The following MUC5AC variants were observed in gnomAD, a reference collection of about 807,000 sequenced individuals.
MUC5AC encodes the protein mucin 5AC, oligomeric mucus/gel-forming, also known as mucin-5AC.
A neutral mutation model predicts 169.7 loss-of-function variants in MUC5AC; 158 were observed. The ratio of observed to expected loss-of-function variants is 0.93; its 90% CI spans 0.82 to 1.06. MUC5AC has a LOEUF of 1.06. Ranked by LOEUF, MUC5AC falls within the 50% of genes least tolerant of loss-of-function variation. The pLI is 0.00. For synonymous variants in MUC5AC, 1,975 were observed against 1,237.0 expected, an observed-to-expected ratio of 1.60 and a Z score of -12.52; for missense variants, 4,359 against 3,089.9, an observed-to-expected ratio of 1.41 and a Z score of -9.74.
rs562822413 is a variant in MUC5AC at position 1,164,392 on chromosome 11, C to T, written c.1004-15C>T. 3 of 1,612,144 alleles carry T rather than the reference C, an allele frequency of 1.9e-6. No individual in the cohort carries two copies. The highest frequency in any genetic ancestry group is 1.7e-5 in the Admixed American group (1 of 59,960). On this transcript the variant is annotated splice_polypyrimidine_tract_variant and intron_variant, in intron 8 of 48. Coordinates refer to ENST00000621226, the MANE Select transcript of MUC5AC (RefSeq NM_001304359.2). ...AGGGGCAGGCAGACGTGAGCCCTCTCTCTGCCTCCCGCAGCCCAGAAGTGC... is the reference window on the plus strand; with the variant it reads ...AGGGGCAGGCAGACGTGAGCCCTCTTTCTGCCTCCCGCAGCCCAGAAGTGC...
Position 1,176,259 on chromosome 11 carries a change from C to T in MUC5AC, c.2502+8C>T. 2.5e-6 allele frequency: 1 copy of T among 398,708 alleles called. No individual in the cohort carries two copies. Among genetic ancestry groups the T allele is most frequent in the Non-Finnish European group, 4.4e-6 (1 of 226,108 alleles). The allele number at this position is 398,708 out of a possible 1,614,324, so 24.7% of individuals were successfully genotyped here. ...ACACTGGACATGACCTGTGTAAGTC[C>T]CTGAGGACTCCCCAATGACAGACCC... is the stretch of plus-strand genomic sequence containing the variant. On this transcript the variant is annotated splice_region_variant and intron_variant, in intron 20 of 48. Coordinates refer to ENST00000621226, the MANE Select transcript of MUC5AC (RefSeq NM_001304359.2).
chr11:1,161,479 G>C, intron 2 of MUC5AC, 48 bp from the exon 3 acceptor site: 1 of 1,476,474 alleles, frequency 6.8e-7, no homozygotes, highest in Non-Finnish European at 9.1e-7. Context: ...CGGAGCCCCC[G>C]CCCCACGTGG....
At chr11:1,180,570 C>G (rs1860793617) in intron 28 of MUC5AC, 54 bp downstream of exon 28, 1 of 398,898 alleles carries the variant, frequency 2.5e-6, no homozygotes, top group Non-Finnish European at 4.4e-6. Flanking sequence ...GGGAATTTGA[C>G]CACGGCCTGG....
Position 1,190,769 on chromosome 11 carries a change from C to G in MUC5AC, c.12624C>G (p.Ser4208Arg). 1 of 706,984 alleles carries G rather than the reference C, an allele frequency of 1.4e-6. No individual in the cohort carries two copies. The highest frequency in any genetic ancestry group is 2.6e-6 in the Non-Finnish European group (1 of 387,512). The allele number at this position is 706,984 out of a possible 1,614,324, so 43.8% of individuals were successfully genotyped here. Residue 4208 changes from serine to arginine, a missense_variant, in exon 31 of 49, where the codon AGC becomes AGG. Physicochemically the swap from Ser to Arg is moderately radical, Grantham distance 110. Transcript: ENST00000621226. ...TSSTTSTPQT[S>R]KTSAATSSTT... Reference sequence around the variant, plus strand: ...GCACAACCTCCACTCCACAGACCAGCAAAACCTCAGCTGCTACAAGCAGCA... The same window carrying G: ...GCACAACCTCCACTCCACAGACCAGGAAAACCTCAGCTGCTACAAGCAGCA...
At chr11:1,169,691 T>C (rs1173043672) in intron 15 of MUC5AC, among the ~76,000 whole-genome samples, 89 of 77,168 alleles carry the variant, frequency 1.2e-3, no homozygotes, top group African/African-American at 1.6e-3. Flanking sequence ...CATTCACCCA[T>C]TCACCCACTC....
chr11:1,187,640 C>A lies in MUC5AC; in HGVS notation c.9495C>A (p.Ile3165=). Residue 3165 remains isoleucine (I), a synonymous_variant, in exon 31 of 49, where the codon ATC becomes ATA. Coordinates refer to ENST00000621226, the MANE Select transcript of MUC5AC (RefSeq NM_001304359.2). ...GCCCTGTTCCCACCACCAGCACAAT[C>A]TTTGCTCCTAGAACCAGCACCACTT... The part of the protein sequence containing the change: ...TPSPVPTTST[I]FAPRTSTTSA... The A allele has an allele frequency of 1.3e-6, 1 of 764,644 alleles. No individual in the cohort carries two copies. Among genetic ancestry groups the A allele is most frequent in the Non-Finnish European group, 2.4e-6 (1 of 417,588 alleles). 47.4% of individuals were successfully genotyped at this position (764,644 alleles called of 1,614,324 possible).
At position 1,197,527 on chromosome 11, in the gene MUC5AC, G is replaced by A. The variant is rs1244270470; in HGVS notation, c.15921G>A (p.Thr5307=). The A allele has an allele frequency of 2.8e-6, 2 of 716,074 alleles. No individual in the cohort carries two copies. Among genetic ancestry groups the A allele is most frequent in the Non-Finnish European group, 5.1e-6 (2 of 394,302 alleles). 44.4% of individuals were successfully genotyped at this position (716,074 alleles called of 1,614,324 possible). The part of the protein sequence containing the change: ...QECTCEAATW[T]LTCRPKLCPL... ...GCACGTGTGAGGCGGCCACGTGGAC[G>A]CTGACCTGCCGACCCAAGCTCTGCC... Residue 5307 remains threonine, a synonymous_variant, in exon 41 of 49, where the codon ACG becomes ACA. Coordinates refer to ENST00000621226, the MANE Select transcript of MUC5AC (RefSeq NM_001304359.2).
Position 1,201,012 on chromosome 11 carries a change from G to A in MUC5AC, c.*310G>A, listed in dbSNP as rs1861416207. 1 of 280,716 alleles carries A rather than the reference G, an allele frequency of 3.6e-6. No individual in the cohort carries two copies. The highest frequency in any genetic ancestry group is 6.7e-6 in the Non-Finnish European group (1 of 150,180). 17.4% of individuals were successfully genotyped at this position (280,716 alleles called of 1,614,324 possible). A position where few individuals can be genotyped will look rare whatever the true frequency, so the allele number is the denominator to read the frequency against. On this transcript the variant is annotated 3_prime_UTR_variant, in exon 49 of 49. Coordinates refer to ENST00000621226, the MANE Select transcript of MUC5AC (RefSeq NM_001304359.2). ...CTGAGGGTCTCAGGAATGACGCTTG[G>A]ACATGGTGATCAGCTGCCTGGTGGC...
In MUC5AC at chr11:1,185,836, C is replaced by T; in HGVS notation, c.7691C>T (p.Thr2564Ile). 2 of 746,200 alleles carry T rather than the reference C, an allele frequency of 2.7e-6. No individual in the cohort carries two copies. The highest frequency in any genetic ancestry group is 3.6e-5 in the Admixed American group (2 of 55,996). The allele number at this position is 746,200 out of a possible 1,614,324, so 46.2% of individuals were successfully genotyped here. A position where few individuals can be genotyped will look rare whatever the true frequency, so the allele number is the denominator to read the frequency against. ...ACAACCTCTGCCACTACAACCAGCA[C>T]AACCTCTGGTCCTGGAACTACTCCC... ...SSTTSATTTS[T>I]TSGPGTTPSP... Residue 2564 changes from threonine to isoleucine, a missense_variant, in exon 31 of 49, where the codon ACA becomes ATA. Coordinates refer to ENST00000621226, the MANE Select transcript of MUC5AC (RefSeq NM_001304359.2).
Position 1,160,764 on chromosome 11 carries a change from C to T in MUC5AC, c.151+75C>T, listed in dbSNP as rs1374284269. The T allele has an allele frequency of 3.4e-6, 5 of 1,456,608 alleles. No homozygotes were observed. In the African/African-American group the frequency reaches 5.6e-5, roughly 16 times the overall value. 90.2% of individuals were successfully genotyped at this position (1,456,608 alleles called of 1,614,324 possible). A position where few individuals can be genotyped will look rare whatever the true frequency, so the allele number is the denominator to read the frequency against. ...CCACCGTGTGGCACGGCCCCTAGGG[C>T]CACTGGTCTTAGGGTGGCTCCCCAG... On this transcript the variant is annotated intron_variant, in intron 2 of 48. Coordinates refer to ENST00000621226, the MANE Select transcript of MUC5AC (RefSeq NM_001304359.2).
chr11:1,160,416 G>T (rs1860103793), intron 1 of MUC5AC, among the ~76,000 whole-genome samples, 196 bp from the exon 2 acceptor site: 1 of 151,906 alleles, frequency 6.6e-6, no homozygotes, highest in Non-Finnish European at 1.5e-5. Flanking sequence ...GGAGGGTCTG[G>T]GCTCAGACTT....
intron 5 of MUC5AC, 132 bp from the exon 6 acceptor site, chr11:1,162,823 C>T: frequency 9.6e-7 from 1 of 1,044,090 alleles, no homozygotes. Context: ...GGTCTGTGCC[C>T]CCAGGATGGA....
At position 1,164,291 on chromosome 11, in the gene MUC5AC, C is replaced by T; in HGVS notation, c.975C>T (p.Pro325=). Residue 325 remains proline (P), a synonymous_variant, in exon 8 of 49, where the codon CCC becomes CCT. Transcript: ENST00000621226. ...AGTGCACCCATGCAGGGGGGTTGCC[C>T]CAGGACTGGCGGGGCCCTGACTTCT... The part of the protein sequence containing the change: ...SRQCTHAGGL[P]QDWRGPDFCP... The T allele has an allele frequency of 6.2e-7, 1 of 1,612,486 alleles. No individual in the cohort carries two copies. Among genetic ancestry groups the T allele is most frequent in the Non-Finnish European group, 8.5e-7 (1 of 1,179,862 alleles).
In MUC5AC at chr11:1,175,084, C is replaced by G; in HGVS notation, c.2295C>G (p.His765Gln). Reference protein sequence around the residue: ...CVQASNCPCYHRGSMIPNGES... With the variant: ...CVQASNCPCYQRGSMIPNGES... The stretch of plus-strand genomic sequence containing the variant: ...AGGCCAGCAACTGTCCCTGCTACCA[C>G]AGAGGCTCCATGATCCCCAATGGGG... The change falls in exon 18 of 49, where the codon CAC becomes CAG. Residue 765 changes from histidine to glutamine, a missense_variant. His to Gln is a conservative substitution (Grantham distance 24, BLOSUM62 0). Coordinates refer to ENST00000621226, the MANE Select transcript of MUC5AC (RefSeq NM_001304359.2). 1 of 399,446 alleles carries G rather than the reference C, an allele frequency of 2.5e-6. No homozygotes were observed. Among genetic ancestry groups the G allele is most frequent in the Non-Finnish European group, 4.4e-6 (1 of 226,592 alleles). The allele number at this position is 399,446 out of a possible 1,614,324, so 24.7% of individuals were successfully genotyped here. A position where few individuals can be genotyped will look rare whatever the true frequency, so the allele number is the denominator to read the frequency against.
At chr11:1,166,523 T>C (rs371032109) in intron 11 of MUC5AC, among the ~76,000 whole-genome samples, 301 of 65,364 alleles carry the variant, frequency 4.6e-3, no homozygotes, top group Middle Eastern at 0.023. Context: ...ACACAGTCTC[T>C]CCACGATGAG....
chr11:1,176,788 G>T (rs1289865554), intron 21 of MUC5AC, 123 bp downstream of exon 21: 2 of 398,504 alleles, frequency 5.0e-6, no homozygotes, highest in African/African-American at 4.1e-5. Flanking sequence ...ACTCAGGGCT[G>T]GACGCCACCA....
chr11:1,194,367 G>A lies in MUC5AC; in HGVS notation c.15006+7G>A, dbSNP rs1311719017. ...CGGGGTGATGACAAACGAGGTGGGG[G>A]CGCGCCCGGTGTGCCGCGGAGGGGG... On this transcript the variant is annotated splice_region_variant and intron_variant, in intron 34 of 48. Transcript: ENST00000621226. 1.4e-5 allele frequency: 10 copies of A among 719,384 alleles called. No homozygotes were observed. The highest frequency in any genetic ancestry group is 5.2e-5 in the East Asian group (2 of 38,488). 44.6% of individuals were successfully genotyped at this position (719,384 alleles called of 1,614,324 possible). A position where few individuals can be genotyped will look rare whatever the true frequency, so the allele number is the denominator to read the frequency against.
chr11:1,171,492 CTCACCCAT>C (rs1311614319), intron 15 of MUC5AC, among the ~76,000 whole-genome samples: 19 of 145,468 alleles, frequency 1.3e-4, no homozygotes, highest in African/African-American at 1.3e-4. Flanking sequence ...CACCCACTCA[CTCACCCAT>C]TCACCCATTC....
At chr11:1,165,216 G>A (rs903037823) in intron 9 of MUC5AC, 86 bp from the exon 10 acceptor site, 20 of 1,300,568 alleles carry the variant, frequency 1.5e-5, no homozygotes, top group South Asian at 2.7e-5. Flanking sequence ...GCCCCAGCTC[G>A]CTGTGGGGCC....
Sources: allele counts gnomAD v4.1 joint callset (sites outside exome capture counted in the v4.1 genomes callset), GRCh38; gene constraint gnomAD v4.1.1; transcripts MANE v1.5; gene names NCBI Gene and HGNC (gene_info 2026-07-23, HGNC 2026-07-21).